Variants in KCNG3 observed in about 807,000 individuals in gnomAD.
The protein encoded by KCNG3 is voltage-gated potassium channel regulatory subunit KCNG3.
A neutral mutation model predicts 29.0 loss-of-function variants in KCNG3; 15 were observed. The ratio of observed to expected loss-of-function variants is 0.52; its 90% CI spans 0.35 to 0.80. The LOEUF is 0.80. Ranked by LOEUF, KCNG3 falls within the 30% of genes least tolerant of loss-of-function variation. KCNG3 has a pLI of 0.01. For missense variants in KCNG3, 512 were observed against 605.7 expected (o/e 0.85, Z 1.62); for synonymous variants, 322 against 248.9 (o/e 1.29, Z -2.76).
At chr2:42,425,951 G>A in the KCNG3 span, among the ~76,000 whole-genome samples, 1 of 152,210 alleles carries the variant, frequency 6.6e-6, no homozygotes, top group Non-Finnish European at 1.5e-5. Context: ...GCAATAGATA[G>A]TAGCATGTAT....
chr2:42,445,009 G>C (rs565673191), intron 1 of KCNG3, among the ~76,000 whole-genome samples: 1 of 150,136 alleles, frequency 6.7e-6, no homozygotes, highest in South Asian at 2.1e-4. Context: ...CAAGGCCAGA[G>C]TGAGCCATGA....
At chr2:42,438,861 C>T (rs980951412), downstream of KCNG3, among the ~76,000 whole-genome samples, 3 of 152,130 alleles carry the variant, frequency 2.0e-5, no homozygotes, top group Admixed American at 6.6e-5. Flanking sequence ...AACTGATATG[C>T]CCAGGTTTCT....
intron 1 of KCNG3, among the ~76,000 whole-genome samples, chr2:42,477,684 G>A (rs572152005): frequency 6.6e-6 from 1 of 151,938 alleles, no homozygotes; most frequent in South Asian, 2.1e-4. Context: ...TTCGAGACTA[G>A]CCTGGCCAGC....
the KCNG3 span, among the ~76,000 whole-genome samples, chr2:42,390,851 T>C: frequency 2.0e-5 from 3 of 152,352 alleles, no homozygotes; most frequent in Admixed American, 6.5e-5. Flanking sequence ...GATTCACTTA[T>C]ATTTTCATTT....
chr2:42,475,919 A>G (rs1436638285), intron 1 of KCNG3, among the ~76,000 whole-genome samples: 3 of 152,066 alleles, frequency 2.0e-5, no homozygotes, highest in Non-Finnish European at 1.5e-5. Context: ...ATACAAAATT[A>G]GCCAGGAGTG....
At chr2:42,389,974 G>GTA in the KCNG3 span, among the ~76,000 whole-genome samples, 1 of 152,138 alleles carries the variant, frequency 6.6e-6, no homozygotes, top group Admixed American at 6.5e-5. Context: ...GTTTACTGTT[G>GTA]TATAGGGCAG....
At chr2:42,490,587 C>T (rs1195258659) in intron 1 of KCNG3, among the ~76,000 whole-genome samples, 3 of 152,180 alleles carry the variant, frequency 2.0e-5, no homozygotes, top group African/African-American at 7.2e-5. Flanking sequence ...TCCTACACCA[C>T]CAACTTGACA....
intron 1 of KCNG3, 106 bp downstream of exon 1, chr2:42,492,731 G>A (rs1572871695): frequency 1.8e-5 from 20 of 1,127,462 alleles, no homozygotes; most frequent in Non-Finnish European, 2.1e-5. Flanking sequence ...CGCGCACCCC[G>A]CTGGCTCGGT....
At chr2:42,418,632 T>G in the KCNG3 span, among the ~76,000 whole-genome samples, 2 of 152,242 alleles carry the variant, frequency 1.3e-5, no homozygotes, top group Admixed American at 1.3e-4. Context: ...TCAAGAGAGA[T>G]AATGAATCAT....
chr2:42,390,006 G>A, the KCNG3 span, among the ~76,000 whole-genome samples: 4 of 152,156 alleles, frequency 2.6e-5, no homozygotes, highest in African/African-American at 7.2e-5. Context: ...TAGAGAAAGT[G>A]ACCATGGTGG....
chr2:42,394,223 G>A, the KCNG3 span, among the ~76,000 whole-genome samples: 3 of 152,184 alleles, frequency 2.0e-5, no homozygotes, highest in African/African-American at 7.2e-5. Flanking sequence ...GGGAAGCTTG[G>A]AAGCTCTTTA....
At chr2:42,468,306 A>G (rs1288456129) in intron 1 of KCNG3, among the ~76,000 whole-genome samples, 1 of 152,184 alleles carries the variant, frequency 6.6e-6, no homozygotes, top group African/African-American at 2.4e-5. Flanking sequence ...AATGAAAAGT[A>G]CAGGTGCTCT....
At chr2:42,449,514 C>CTTTTT (rs36088470) in intron 1 of KCNG3, among the ~76,000 whole-genome samples, 2 of 99,458 alleles carry the variant, frequency 2.0e-5, no homozygotes, top group African/African-American at 3.7e-5. Context: ...ACTGAGATTT[C>CTTTTT]TTTTTTTTTT....
the KCNG3 span, among the ~76,000 whole-genome samples, chr2:42,419,436 T>C: frequency 6.6e-6 from 1 of 151,740 alleles, no homozygotes; most frequent in Non-Finnish European, 1.5e-5. Context: ...GAGATGGGGT[T>C]TCGCCATGTT....
At chr2:42,448,504 C>T (rs1474517054) in intron 1 of KCNG3, among the ~76,000 whole-genome samples, 1 of 151,930 alleles carries the variant, frequency 6.6e-6, no homozygotes, top group Non-Finnish European at 1.5e-5. Context: ...CTTGATTTTC[C>T]ACTTTCCAGA....
At chr2:42,414,791 T>C in the KCNG3 span, among the ~76,000 whole-genome samples, 1 of 152,166 alleles carries the variant, frequency 6.6e-6, no homozygotes, top group Non-Finnish European at 1.5e-5. Flanking sequence ...TTGTCTTCAG[T>C]TCCATCTTCC....
At chr2:42,480,751 C>A (rs1402856001) in intron 1 of KCNG3, among the ~76,000 whole-genome samples, 4 of 141,992 alleles carry the variant, frequency 2.8e-5, no homozygotes, top group African/African-American at 1.1e-4. Context: ...ATATTGAAAC[C>A]CCATCTTAAA....
At chr2:42,471,180 G>GTA (rs1402809124) in intron 1 of KCNG3, among the ~76,000 whole-genome samples, 96 of 151,046 alleles carry the variant, frequency 6.4e-4, no homozygotes, top group African/African-American at 1.7e-3. Context: ...GTGTGTGTGT[G>GTA]TGTGTATATA....
the KCNG3 span, chr2:42,424,915 G>GT: frequency 6.6e-6 from 1 of 152,244 alleles, no homozygotes; most frequent in South Asian, 2.1e-4. Flanking sequence ...ATCCAGGAAG[G>GT]TATCTACTTC....
Sources: allele counts gnomAD v4.1 joint callset (sites outside exome capture counted in the v4.1 genomes callset), GRCh38; gene constraint gnomAD v4.1.1; transcripts MANE v1.5; gene names NCBI Gene and HGNC (gene_info 2026-07-23, HGNC 2026-07-21).